Variants in STK32B observed in about 807,000 individuals in gnomAD.
STK32B encodes the protein serine/threonine kinase 32B.
A neutral mutation model predicts 52.6 loss-of-function variants in STK32B; 43 were observed. The ratio of observed to expected loss-of-function variants is 0.82; its 90% confidence interval spans 0.64 to 1.05. STK32B has a LOEUF of 1.05. STK32B is among the 50% of genes least tolerant of loss of function. STK32B has a pLI of 0.00. For synonymous variants in STK32B, 238 were observed against 204.3 expected (o/e 1.17, Z -1.41); for missense variants, 621 against 534.6 (o/e 1.16, Z -1.59).
chr4:5,496,536 G>T (rs1418523247), intron 11 of STK32B, among the ~76,000 whole-genome samples: 1 of 125,232 alleles, frequency 8.0e-6, no homozygotes, highest in Non-Finnish European at 1.6e-5. Context: ...CCCGAGTGAG[G>T]CAATGCCTTG....
At chr4:5,162,383 C>T (rs551154204) in intron 2 of STK32B, among the ~76,000 whole-genome samples, 2 of 152,292 alleles carry the variant, frequency 1.3e-5, no homozygotes, top group African/African-American at 4.8e-5. Context: ...GCAGAATCGA[C>T]ATTGTCAGCG....
upstream of STK32B, among the ~76,000 whole-genome samples, chr4:5,047,763 G>T (rs999268578): frequency 2.6e-5 from 4 of 152,188 alleles, no homozygotes; most frequent in Non-Finnish European, 5.9e-5. Flanking sequence ...TTTGCCACTA[G>T]GTAGATGTGG....
intron 1 of STK32B, among the ~76,000 whole-genome samples, chr4:5,123,606 C>T (rs541098718): frequency 7.2e-5 from 11 of 152,240 alleles, no homozygotes; most frequent in East Asian, 5.8e-4. Flanking sequence ...TGGCTTTATA[C>T]GGCCACCTTC....
intron 1 of STK32B, among the ~76,000 whole-genome samples, chr4:5,094,830 C>T (rs947867616): frequency 3.6e-4 from 55 of 152,092 alleles, no homozygotes; most frequent in African/African-American, 1.3e-3. Context: ...CTAACTCCCA[C>T]ATTGTTCTCA....
At chr4:5,029,000 G>A in the STK32B span, among the ~76,000 whole-genome samples, 1 of 152,096 alleles carries the variant, frequency 6.6e-6, no homozygotes, top group African/African-American at 2.4e-5. Context: ...TTAAACAACC[G>A]GGTCTCAGGA....
chr4:5,148,223 T>A (rs1417101230), intron 2 of STK32B, among the ~76,000 whole-genome samples: 1 of 151,812 alleles, frequency 6.6e-6, no homozygotes, highest in African/African-American at 2.4e-5. Flanking sequence ...TCTTAATTTT[T>A]GTAGTGTCTG....
At chr4:5,446,097 G>C (rs376095800) in intron 6 of STK32B, among the ~76,000 whole-genome samples, 2 of 152,140 alleles carry the variant, frequency 1.3e-5, no homozygotes, top group Non-Finnish European at 2.9e-5. Context: ...CTTCCCTTTC[G>C]CCAAGTGGAC....
At chr4:5,410,568 G>A (rs192033621) in intron 5 of STK32B, among the ~76,000 whole-genome samples, 23 of 152,208 alleles carry the variant, frequency 1.5e-4, no homozygotes, top group East Asian at 9.7e-4. Flanking sequence ...ACAAGCAGAC[G>A]TCCTCTTCTC....
Position 5,500,893 on chromosome 4 carries a change from G to GAATT in STK32B, c.*1812_*1815dup, listed in dbSNP as rs1332609083. On this transcript the variant is annotated 3_prime_UTR_variant, in exon 12 of 12. Transcript: ENST00000282908. ...GTTTTTTTTATTGGGCTGAGTTCAC[G>GAATT]AATTAGGGGCAGGAGCTGGAAGTCG... is the stretch of plus-strand genomic sequence containing the variant. 12 of 152,258 alleles carry GAATT rather than the reference G, an allele frequency of 7.9e-5. No homozygotes were observed. Among genetic ancestry groups the GAATT allele is most frequent in the Admixed American group, 7.8e-4 (12 of 15,310 alleles). The allele number at this position is 152,258 out of a possible 1,614,324, so 9.4% of individuals were successfully genotyped here.
intron 2 of STK32B, among the ~76,000 whole-genome samples, chr4:5,162,620 C>T (rs999316037): frequency 6.6e-6 from 1 of 152,188 alleles, no homozygotes; most frequent in African/African-American, 2.4e-5. Context: ...GACATCAGGT[C>T]CTAATTGAGT....
At chr4:5,336,917 G>C (rs1732742928) in intron 4 of STK32B, among the ~76,000 whole-genome samples, 1 of 152,218 alleles carries the variant, frequency 6.6e-6, no homozygotes, top group Non-Finnish European at 1.5e-5. Flanking sequence ...TAAGCTTCCA[G>C]AGAAGAGCCA....
At chr4:5,171,993 G>C (rs1719413564) in intron 3 of STK32B, among the ~76,000 whole-genome samples, 1 of 151,800 alleles carries the variant, frequency 6.6e-6, no homozygotes, top group African/African-American at 2.4e-5. Context: ...TTGAGCAGTG[G>C]TTTGTAGTTC....
intron 4 of STK32B, among the ~76,000 whole-genome samples, chr4:5,335,499 G>A (rs1394214464): frequency 6.6e-6 from 1 of 151,952 alleles, no homozygotes; most frequent in African/African-American, 2.4e-5. Context: ...TCTGATTTTA[G>A]TTATTTCTTG....
At chr4:5,080,630 G>C (rs1712360208) in intron 1 of STK32B, among the ~76,000 whole-genome samples, 3 of 151,986 alleles carry the variant, frequency 2.0e-5, no homozygotes, top group South Asian at 2.1e-4. Context: ...TTATAAGGCA[G>C]ATATTTTTTC....
intron 2 of STK32B, among the ~76,000 whole-genome samples, chr4:5,159,562 A>AATGAATATAT (rs1457574808): frequency 0.35 from 18,004 of 51,556 alleles, 4,643 homozygotes; most frequent in Non-Finnish European, 0.4. Context: ...AATATATATG[A>AATGAATATAT]ATGAATATAT....
intron 6 of STK32B, among the ~76,000 whole-genome samples, chr4:5,430,279 C>T (rs1434179211): frequency 6.6e-6 from 1 of 152,190 alleles, no homozygotes; most frequent in Admixed American, 6.5e-5. Context: ...CCCCATCCCC[C>T]ACCACACTGT....
At chr4:5,331,735 T>C (rs1456565072) in intron 4 of STK32B, among the ~76,000 whole-genome samples, 1 of 151,974 alleles carries the variant, frequency 6.6e-6, no homozygotes, top group African/African-American at 2.4e-5. Flanking sequence ...GAGCTGGGAG[T>C]GTGAGGGATT....
intron 1 of STK32B, among the ~76,000 whole-genome samples, chr4:5,068,815 A>C (rs1176590878): frequency 6.6e-6 from 1 of 152,224 alleles, no homozygotes; most frequent in Non-Finnish European, 1.5e-5. Flanking sequence ...AGATAAAATA[A>C]AAATTAAGAC....
chr4:5,389,041 A>AT (rs1256452036), intron 4 of STK32B, among the ~76,000 whole-genome samples: 1 of 152,196 alleles, frequency 6.6e-6, no homozygotes, highest in Non-Finnish European at 1.5e-5. Flanking sequence ...GACTGGATGC[A>AT]TTTTCTCTCC....
Sources: allele counts gnomAD v4.1 joint callset (sites outside exome capture counted in the v4.1 genomes callset), GRCh38; gene constraint gnomAD v4.1.1; transcripts MANE v1.5; gene names NCBI Gene and HGNC (gene_info 2026-07-23, HGNC 2026-07-21).